The following CHCHD3 variants were observed in gnomAD, a reference collection of about 807,000 sequenced individuals.
CHCHD3 encodes the protein coiled-coil-helix-coiled-coil-helix domain containing 3.
CHCHD3 carries 20 observed loss-of-function variants against 38.2 expected under a neutral mutation model. The observed-to-expected ratio is 0.52, with a 90% confidence interval of 0.37 to 0.76. CHCHD3 has a LOEUF of 0.76. Ranked by LOEUF, CHCHD3 falls within the 30% of genes least tolerant of loss-of-function variation. The pLI is 0.00. For synonymous variants in CHCHD3, 82 were observed against 100.0 expected, an observed-to-expected ratio of 0.82 and a Z score of 1.07; for missense variants, 245 against 279.2, an observed-to-expected ratio of 0.88 and a Z score of 0.87.
chr7:132,796,681 ATG>A, intron 6 of CHCHD3, 104 bp from the exon 7 acceptor site: 1 of 1,027,504 alleles, frequency 9.7e-7, no homozygotes. Flanking sequence ...GATGTTGCAA[ATG>A]TAGAAAAAGG....
At chr7:133,075,774 T>C (rs17166884) in intron 1 of CHCHD3, among the ~76,000 whole-genome samples, 1,654 of 152,242 alleles carry the variant, frequency 0.011, 32 homozygotes, top group African/African-American at 0.038. Context: ...AAGAAGTATC[T>C]TGCGGTCAGG....
intron 2 of CHCHD3, among the ~76,000 whole-genome samples, chr7:133,055,520 T>TTC (rs199498406): frequency 0.077 from 11,241 of 146,164 alleles, 1,330 homozygotes; most frequent in African/African-American, 0.26. Flanking sequence ...TATAATATAA[T>TTC]TGTTACATAT....
intron 3 of CHCHD3, among the ~76,000 whole-genome samples, chr7:132,983,684 G>C (rs1225060010): frequency 6.6e-6 from 1 of 152,094 alleles, no homozygotes; most frequent in Non-Finnish European, 1.5e-5. Context: ...CCCATACAAA[G>C]TGTCACTAGT....
intron 4 of CHCHD3, among the ~76,000 whole-genome samples, chr7:132,974,873 C>G (rs1219684903): frequency 7.9e-6 from 1 of 126,748 alleles, no homozygotes; most frequent in Non-Finnish European, 1.7e-5. Flanking sequence ...GACTCCGTCT[C>G]AAAAAAAAAA....
intron 5 of CHCHD3, among the ~76,000 whole-genome samples, chr7:132,866,123 A>G (rs1455360806): frequency 6.6e-6 from 1 of 152,176 alleles, no homozygotes; most frequent in African/African-American, 2.4e-5. Flanking sequence ...TTCATATTAA[A>G]ACATTTATGT....
At chr7:132,804,691 G>A (rs1046384890) in intron 6 of CHCHD3, among the ~76,000 whole-genome samples, 11 of 152,154 alleles carry the variant, frequency 7.2e-5, no homozygotes, top group African/African-American at 2.7e-4. Flanking sequence ...GAGAGAGCGT[G>A]TTACATTACT....
chr7:132,954,376 G>A (rs2117293137), intron 4 of CHCHD3, among the ~76,000 whole-genome samples: 1 of 152,304 alleles, frequency 6.6e-6, no homozygotes, highest in South Asian at 2.1e-4. Context: ...GTTACAAGAG[G>A]AAGCTCATGG....
At chr7:133,028,293 A>G (rs1330276533) in intron 2 of CHCHD3, among the ~76,000 whole-genome samples, 3 of 152,234 alleles carry the variant, frequency 2.0e-5, no homozygotes, top group Admixed American at 6.5e-5. Flanking sequence ...ATTTAATTCA[A>G]TTAAAACTAG....
intron 4 of CHCHD3, among the ~76,000 whole-genome samples, chr7:132,905,564 G>A (rs1554385979): frequency 6.6e-6 from 1 of 151,784 alleles, no homozygotes; most frequent in Non-Finnish European, 1.5e-5. Flanking sequence ...TGCACATCCT[G>A]CACATGTACC....
Position 132,885,731 on chromosome 7 carries a change from T to C in CHCHD3, c.384A>G (p.Glu128=). ...AKAKHLARQL[E]EKDRVLKKQD... ...GCTTCTTTAGCACTCGGTCTTTCTCTTCCAGCTGCCTAGCCTAAAAAAAGA... is the reference window on the plus strand; with the variant it reads ...GCTTCTTTAGCACTCGGTCTTTCTCCTCCAGCTGCCTAGCCTAAAAAAAGA... The change falls in exon 5 of 8, where the codon GAA becomes GAG. Residue 128 remains glutamate, a synonymous_variant. Coordinates refer to ENST00000262570, the MANE Select transcript of CHCHD3 (RefSeq NM_017812.4). 6.2e-7 allele frequency: 1 copy of C among 1,609,020 alleles called. No homozygotes were observed. Among genetic ancestry groups the C allele is most frequent in the South Asian group, 1.1e-5 (1 of 90,168 alleles).
intron 3 of CHCHD3, among the ~76,000 whole-genome samples, chr7:132,987,393 C>G (rs1812149152): frequency 6.6e-6 from 1 of 152,174 alleles, no homozygotes; most frequent in African/African-American, 2.4e-5. Flanking sequence ...TGATTTACAA[C>G]AGAGTCAACC....
chr7:133,033,152 C>T (rs773480088), intron 2 of CHCHD3, among the ~76,000 whole-genome samples: 2 of 152,168 alleles, frequency 1.3e-5, no homozygotes, highest in Admixed American at 6.5e-5. Context: ...AGTTTGTGTG[C>T]TAAATCATCA....
chr7:132,875,175 G>A (rs1012961529), intron 5 of CHCHD3, among the ~76,000 whole-genome samples: 1 of 152,166 alleles, frequency 6.6e-6, no homozygotes, highest in Non-Finnish European at 1.5e-5. Flanking sequence ...AACACATCAT[G>A]CAGCATCCTC....
At chr7:132,901,985 C>A (rs1809681830) in intron 4 of CHCHD3, among the ~76,000 whole-genome samples, 1 of 152,054 alleles carries the variant, frequency 6.6e-6, no homozygotes, top group South Asian at 2.1e-4. Flanking sequence ...AGTCTTTAAT[C>A]CATCTTGAAT....
At chr7:132,914,760 C>T (rs1477428976) in intron 4 of CHCHD3, among the ~76,000 whole-genome samples, 2 of 152,116 alleles carry the variant, frequency 1.3e-5, no homozygotes, top group African/African-American at 4.8e-5. Context: ...AGTGGGAGGA[C>T]AGGGACTCTG....
At chr7:133,015,048 AG>A (rs1227603559) in intron 3 of CHCHD3, among the ~76,000 whole-genome samples, 1 of 152,220 alleles carries the variant, frequency 6.6e-6, no homozygotes, top group Non-Finnish European at 1.5e-5. Context: ...AGCATTTAAA[AG>A]TCAGGTATAG....
At chr7:132,872,187 A>G (rs1050455469) in intron 5 of CHCHD3, among the ~76,000 whole-genome samples, 1 of 152,262 alleles carries the variant, frequency 6.6e-6, no homozygotes, top group African/African-American at 2.4e-5. Flanking sequence ...GTTCTAGGAT[A>G]GGAGAAACAT....
chr7:132,967,375 C>A (rs1811492385), intron 4 of CHCHD3, among the ~76,000 whole-genome samples: 1 of 152,102 alleles, frequency 6.6e-6, no homozygotes, highest in African/African-American at 2.4e-5. Flanking sequence ...GATAGGCCCC[C>A]AGAGTCTTGG....
intron 4 of CHCHD3, among the ~76,000 whole-genome samples, chr7:132,963,364 G>T (rs1389379523): frequency 7.6e-6 from 1 of 131,858 alleles, no homozygotes; most frequent in Non-Finnish European, 1.5e-5. Context: ...AGGCACTGTG[G>T]CTCACGCCTA....
Sources: allele counts gnomAD v4.1 joint callset (sites outside exome capture counted in the v4.1 genomes callset), GRCh38; gene constraint gnomAD v4.1.1; transcripts MANE v1.5; gene names NCBI Gene and HGNC (gene_info 2026-07-23, HGNC 2026-07-21).